CLNK: variants seen among roughly 807,000 people sequenced by gnomAD.
CLNK encodes cytokine-dependent hematopoietic cell linker.
Under a neutral mutation model 68.6 loss-of-function variants are expected in CLNK, and 74 were observed. That is an observed-to-expected ratio of 1.08 (90% CI 0.89 to 1.31). The LOEUF (loss-of-function observed/expected upper bound fraction) is 1.31. Ranked by LOEUF, CLNK falls within the 50% of genes most tolerant of loss-of-function variation. CLNK has a pLI of 0.00. For synonymous variants in CLNK, 198 were observed against 172.2 expected (o/e 1.15, Z -1.17); for missense variants, 553 against 515.3 (o/e 1.07, Z -0.71).
chr4:10,724,232 G>A, the CLNK span, among the ~76,000 whole-genome samples: 2 of 151,968 alleles, frequency 1.3e-5, no homozygotes, highest in Non-Finnish European at 2.9e-5. Flanking sequence ...TTGTTTCACC[G>A]TTTCATCTGC....
intron 7 of CLNK, among the ~76,000 whole-genome samples, chr4:10,561,185 A>G (rs906889511): frequency 6.6e-6 from 1 of 152,132 alleles, no homozygotes; most frequent in African/African-American, 2.4e-5. Context: ...ACAGGCATGA[A>G]CTACTGCACC....
chr4:10,688,514 C>T (rs949344750), upstream of CLNK, among the ~76,000 whole-genome samples: 2 of 152,126 alleles, frequency 1.3e-5, no homozygotes, highest in Non-Finnish European at 2.9e-5. Flanking sequence ...GGCTAATTTG[C>T]AAGGCTGTCA....
chr4:10,543,797 G>A (rs1016343492), intron 8 of CLNK, among the ~76,000 whole-genome samples: 1 of 152,108 alleles, frequency 6.6e-6, no homozygotes, highest in African/African-American at 2.4e-5. Flanking sequence ...TTTTGAAATA[G>A]GTAGGATTCA....
chr4:10,499,726 G>A (rs545148940), intron 18 of CLNK, among the ~76,000 whole-genome samples: 2 of 152,254 alleles, frequency 1.3e-5, no homozygotes, highest in Admixed American at 6.5e-5. Context: ...CGCAGTTCTC[G>A]AGGCTGAAGT....
At chr4:10,665,964 C>T (rs1294680611) in intron 2 of CLNK, among the ~76,000 whole-genome samples, 1 of 152,048 alleles carries the variant, frequency 6.6e-6, no homozygotes, top group Non-Finnish European at 1.5e-5. Context: ...TCCAGGTGAC[C>T]CCTAAATCCA....
chr4:10,669,850 G>T (rs1290960914), intron 1 of CLNK, among the ~76,000 whole-genome samples: 1 of 152,194 alleles, frequency 6.6e-6, no homozygotes, highest in African/African-American at 2.4e-5. Flanking sequence ...GCCCACTGTG[G>T]CAGTGTGTAG....
intron 14 of CLNK, among the ~76,000 whole-genome samples, chr4:10,523,103 AT>A (rs750323038): frequency 2.0e-5 from 3 of 152,228 alleles, no homozygotes; most frequent in Non-Finnish European, 4.4e-5. Flanking sequence ...AGCTAGTCAA[AT>A]GGGGGAGAAA....
upstream of CLNK, chr4:10,684,935 A>C (rs1370364939): frequency 1.3e-5 from 2 of 152,188 alleles, no homozygotes; most frequent in African/African-American, 4.8e-5. Flanking sequence ...CAATACGTGA[A>C]GCTTTCAGAG....
intron 2 of CLNK, among the ~76,000 whole-genome samples, chr4:10,657,094 A>C (rs937486781): frequency 3.9e-5 from 6 of 152,222 alleles, no homozygotes; most frequent in Admixed American, 6.5e-5. Flanking sequence ...TGCAGATGAC[A>C]AAACAGGTAC....
intron 16 of CLNK, among the ~76,000 whole-genome samples, chr4:10,511,009 G>A (rs894302194): frequency 1.1e-4 from 17 of 152,146 alleles, no homozygotes; most frequent in Admixed American, 2.6e-4. Context: ...AAAATTAGCC[G>A]TGAGTGGTGG....
intron 15 of CLNK, among the ~76,000 whole-genome samples, chr4:10,515,087 AATT>A (rs1717772845): frequency 6.6e-6 from 1 of 151,982 alleles, no homozygotes; most frequent in Admixed American, 6.5e-5. Flanking sequence ...AAAATACAAA[AATT>A]ATCCGGGCAT....
the CLNK span, among the ~76,000 whole-genome samples, chr4:10,707,569 T>C: frequency 2.0e-5 from 3 of 152,206 alleles, no homozygotes; most frequent in Non-Finnish European, 4.4e-5. Flanking sequence ...AATGTGCCTA[T>C]TATTCCTGTA....
intron 2 of CLNK, among the ~76,000 whole-genome samples, chr4:10,637,303 C>G (rs1246937033): frequency 1.3e-5 from 2 of 152,118 alleles, no homozygotes; most frequent in African/African-American, 4.8e-5. Context: ...ATGCCTGTTC[C>G]AGATGGGGAA....
chr4:10,503,768 G>C (rs1426279144), intron 17 of CLNK, among the ~76,000 whole-genome samples: 1 of 122,530 alleles, frequency 8.2e-6, no homozygotes, highest in Non-Finnish European at 1.7e-5. Context: ...GTTTCATTTA[G>C]AGACTTTTTT....
At chr4:10,505,026 C>T (rs766851705) in intron 17 of CLNK, among the ~76,000 whole-genome samples, 2 of 152,192 alleles carry the variant, frequency 1.3e-5, no homozygotes, top group Non-Finnish European at 1.5e-5. Flanking sequence ...GCTTTTCCAG[C>T]ACAATCCACA....
chr4:10,557,196 C>T (rs1457111962), intron 8 of CLNK, among the ~76,000 whole-genome samples: 1 of 152,096 alleles, frequency 6.6e-6, no homozygotes, highest in Non-Finnish European at 1.5e-5. Flanking sequence ...TACTCTCTGT[C>T]CCCTTTTCAC....
chr4:10,556,465 A>T (rs905775852), intron 8 of CLNK, among the ~76,000 whole-genome samples: 3 of 152,238 alleles, frequency 2.0e-5, no homozygotes, highest in African/African-American at 7.2e-5. Context: ...ATACAGATAG[A>T]GAGGTAAACA....
Position 10,514,774 on chromosome 4 carries a change from T to G in CLNK, c.773-1177A>C, listed in dbSNP as rs200079418. 2.7e-3 allele frequency among the ~76,000 whole-genome samples: 414 copies of G among 151,088 alleles called. 10 individuals carry two copies. Among genetic ancestry groups the G allele is most frequent in the East Asian group, 0.019 (100 of 5,130 alleles). On this transcript the variant is annotated intron_variant, in intron 15 of 18. Coordinates refer to ENST00000226951, the MANE Select transcript of CLNK (RefSeq NM_052964.4). ...ATGGGATCTAATTAAACTAAAGAGC[T>G]TCTGCACAGCAAAAGAAACTACCAT...
intron 2 of CLNK, among the ~76,000 whole-genome samples, chr4:10,609,880 T>G (rs1721940880): frequency 6.6e-6 from 1 of 152,126 alleles, no homozygotes; most frequent in South Asian, 2.1e-4. Context: ...AGTGAAATCA[T>G]CTGTCCAAGC....
Sources: allele counts gnomAD v4.1 joint callset (sites outside exome capture counted in the v4.1 genomes callset), GRCh38; gene constraint gnomAD v4.1.1; transcripts MANE v1.5; gene names NCBI Gene and HGNC (gene_info 2026-07-23, HGNC 2026-07-21).